Variants in ZNF536 observed in about 807,000 individuals in gnomAD.
The protein encoded by ZNF536 is zinc finger protein 536.
In ZNF536, 13 loss-of-function variants were observed where a neutral mutation model predicts 84.5. The ratio of observed to expected loss-of-function variants is 0.15; its 90% CI spans 0.10 to 0.24. The LOEUF is 0.24. Ranked by LOEUF, ZNF536 falls within the 10% of genes least tolerant of loss-of-function variation. The pLI, the probability that ZNF536 is intolerant of heterozygous loss-of-function variation, is 1.00. For missense variants in ZNF536, 1,536 were observed against 1,747.5 expected, an observed-to-expected ratio of 0.88 and a Z score of 2.16; for synonymous variants, 811 against 742.5, an observed-to-expected ratio of 1.09 and a Z score of -1.50.
chr19:30,620,613 C>G (rs564116036), intron 1 of ZNF536, among the ~76,000 whole-genome samples: 1 of 152,136 alleles, frequency 6.6e-6, no homozygotes, highest in Admixed American at 6.5e-5. Flanking sequence ...AATGTCATCC[C>G]CATGTGTTGC....
chr19:30,441,784 A>G (rs2052061670), intron 1 of ZNF536, among the ~76,000 whole-genome samples: 2 of 152,208 alleles, frequency 1.3e-5, no homozygotes, highest in African/African-American at 4.8e-5. Flanking sequence ...TTGGCCCAGC[A>G]CCACCACTGT....
At chr19:30,559,965 T>C (rs1444690357), downstream of ZNF536, among the ~76,000 whole-genome samples, 1 of 152,126 alleles carries the variant, frequency 6.6e-6, no homozygotes, top group East Asian at 1.9e-4. Context: ...ATTCTCCTGC[T>C]TTTATGAAGC....
chr19:30,572,476 C>T (rs2046583888), intron 1 of ZNF536, among the ~76,000 whole-genome samples: 1 of 152,182 alleles, frequency 6.6e-6, no homozygotes, highest in Admixed American at 6.5e-5. Flanking sequence ...TCCCTAACCT[C>T]ACCTGCCATC....
At chr19:30,572,911 A>G (rs1318963304) in intron 1 of ZNF536, among the ~76,000 whole-genome samples, 6 of 152,192 alleles carry the variant, frequency 3.9e-5, no homozygotes, top group Non-Finnish European at 8.8e-5. Flanking sequence ...TAATGGCCAT[A>G]TACAACAAAT....
intron 2 of ZNF536, among the ~76,000 whole-genome samples, chr19:30,512,520 A>T (rs1298616154): frequency 2.6e-5 from 4 of 152,142 alleles, no homozygotes; most frequent in Admixed American, 6.5e-5. Flanking sequence ...CTGTCCAAGC[A>T]TAATGCATTA....
chr19:30,580,238 C>T (rs1455623735), intron 1 of ZNF536, among the ~76,000 whole-genome samples: 1 of 152,208 alleles, frequency 6.6e-6, no homozygotes, highest in Non-Finnish European at 1.5e-5. Context: ...CCCTTCCCTG[C>T]TGTACCCTAC....
chr19:30,656,574 T>C (rs1479319344), intron 1 of ZNF536, among the ~76,000 whole-genome samples: 2 of 152,210 alleles, frequency 1.3e-5, no homozygotes, highest in African/African-American at 4.8e-5. Flanking sequence ...TTAGTTCCTC[T>C]GCAGCACACT....
chr19:30,518,601 G>A (rs768124347), intron 2 of ZNF536, among the ~76,000 whole-genome samples: 3 of 152,222 alleles, frequency 2.0e-5, no homozygotes, highest in African/African-American at 2.4e-5. Context: ...GCGTGTGTAC[G>A]CAGCACCGCT....
At chr19:30,565,588 GT>G (rs1417149704) in intron 1 of ZNF536, among the ~76,000 whole-genome samples, 1 of 152,118 alleles carries the variant, frequency 6.6e-6, no homozygotes, top group Non-Finnish European at 1.5e-5. Flanking sequence ...TTAAATTTTT[GT>G]TTTTATATCA....
At chr19:30,632,618 TCAAC>T (rs200733978) in intron 1 of ZNF536, among the ~76,000 whole-genome samples, 11 of 143,874 alleles carry the variant, frequency 7.6e-5, no homozygotes, top group South Asian at 2.3e-4. Context: ...AACCAACCAA[TCAAC>T]CAACCAACCA....
intron 2 of ZNF536, among the ~76,000 whole-genome samples, chr19:30,489,606 A>G (rs1433253216): frequency 1.3e-5 from 2 of 152,172 alleles, no homozygotes; most frequent in African/African-American, 4.8e-5. Context: ...AAAATAAGGA[A>G]AATAAAATAA....
At chr19:30,473,574 T>C (rs993981648) in intron 2 of ZNF536, among the ~76,000 whole-genome samples, 2 of 152,214 alleles carry the variant, frequency 1.3e-5, no homozygotes, top group Non-Finnish European at 2.9e-5. Context: ...TTCTGTGTCA[T>C]TGAACTTGGA....
intron 2 of ZNF536, among the ~76,000 whole-genome samples, chr19:30,517,802 C>T (rs890322559): frequency 1.3e-5 from 2 of 152,040 alleles, no homozygotes; most frequent in Non-Finnish European, 2.9e-5. Context: ...TAAATACATA[C>T]ATACATACAA....
intron 1 of ZNF536, among the ~76,000 whole-genome samples, chr19:30,579,327 G>A (rs2046842836): frequency 1.3e-5 from 2 of 152,180 alleles, no homozygotes; most frequent in Admixed American, 1.3e-4. Flanking sequence ...AGGTCTTTGG[G>A]TCAGCTGGGT....
At chr19:30,446,404 C>T (rs971541834) in intron 2 of ZNF536, among the ~76,000 whole-genome samples, 3 of 152,048 alleles carry the variant, frequency 2.0e-5, no homozygotes, top group Non-Finnish European at 4.4e-5. Flanking sequence ...TGTCGGCCAT[C>T]ATCTGGTCTC....
At chr19:30,245,909 T>C (rs2024238947) in intron 1 of ZNF536, among the ~76,000 whole-genome samples, 1 of 152,354 alleles carries the variant, frequency 6.6e-6, no homozygotes, top group Admixed American at 6.5e-5. Context: ...GCACGGAGCG[T>C]TGGAGTCAGG....
intron 1 of ZNF536, among the ~76,000 whole-genome samples, chr19:30,263,197 A>G (rs1186968941): frequency 6.6e-6 from 1 of 152,234 alleles, no homozygotes; most frequent in Non-Finnish European, 1.5e-5. Context: ...TACATGCTCA[A>G]TAAATATTTG....
chr19:30,670,818 C>G lies in ZNF536; in HGVS notation c.170-39939C>G, dbSNP rs116242335. Reference sequence around the variant, plus strand: ...ATCCCTTCAGCCCGGGAGCCTGGCTCTCTGCTGTATCCCTGCCAGGCTGTA... The same window carrying G: ...ATCCCTTCAGCCCGGGAGCCTGGCTGTCTGCTGTATCCCTGCCAGGCTGTA... On this transcript the variant is annotated intron_variant, in intron 1 of 1. Transcript: ENST00000592773. Among the ~76,000 whole-genome samples, 1,005 of 152,308 alleles carry G rather than the reference C, an allele frequency of 6.6e-3. 12 individuals carry two copies. Among genetic ancestry groups the G allele is most frequent in the African/African-American group, 0.023 (953 of 41,576 alleles).
At chr19:30,275,198 G>A (rs1471055562) in intron 1 of ZNF536, among the ~76,000 whole-genome samples, 1 of 152,170 alleles carries the variant, frequency 6.6e-6, no homozygotes, top group East Asian at 1.9e-4. Flanking sequence ...ACTCCATCCT[G>A]AGTGTGGTTA....
Sources: allele counts gnomAD v4.1 joint callset (sites outside exome capture counted in the v4.1 genomes callset), GRCh38; gene constraint gnomAD v4.1.1; transcripts MANE v1.5; gene names NCBI Gene and HGNC (gene_info 2026-07-23, HGNC 2026-07-21).